IARS1: variants seen among roughly 807,000 people sequenced by gnomAD.
IARS1 encodes the protein isoleucyl-tRNA synthetase 1.
A neutral mutation model predicts 168.2 loss-of-function variants in IARS1; 124 were observed. That is an observed-to-expected ratio of 0.74 (90% CI 0.64 to 0.86). The LOEUF (loss-of-function observed/expected upper bound fraction) is 0.86, where lower values mean the gene tolerates loss of function less well. IARS1 is among the 40% of genes least tolerant of loss of function. The probability of loss-of-function intolerance (pLI) is 0.00; values close to 1 mark genes in which losing one functional copy is unlikely to be tolerated. For synonymous variants in IARS1, 532 were observed against 529.4 expected (o/e 1.00, Z -0.07); for missense variants, 1,452 against 1,515.8 (o/e 0.96, Z 0.70).
chr9:92,290,304 T>C (rs1253468306), intron 1 of IARS1, among the ~76,000 whole-genome samples: 1 of 152,228 alleles, frequency 6.6e-6, no homozygotes, highest in Non-Finnish European at 1.5e-5. Context: ...TAAGGACTAA[T>C]GATGCTGAGC....
rs371207054 is a variant in IARS1, at chr9:92,258,934, G to A, written c.1936C>T (p.Arg646Trp). 61 of 1,613,722 alleles carry A rather than the reference G, an allele frequency of 3.8e-5. No individual in the cohort carries two copies. Among genetic ancestry groups the A allele is most frequent in the Non-Finnish European group, 4.8e-5 (57 of 1,179,844 alleles). ...ENLRFKEEGV[R>W]DVLKDVLLPW... is the part of the protein sequence containing the mutation. The stretch of plus-strand genomic sequence containing the variant: ...AGCAGTACATCCTTAAGGACGTCCC[G>A]CACACCCTCTTCTTTAAAGCGGAGG... Residue 646 changes from arginine (R) to tryptophan (W), a missense_variant, in exon 19 of 34, where the codon CGG (arginine) becomes TGG (tryptophan). Arg to Trp is a moderately radical substitution (Grantham distance 101, BLOSUM62 -3). Transcript: ENST00000443024.
chr9:92,291,426 AAGT>A (rs953523023), intron 1 of IARS1, among the ~76,000 whole-genome samples: 12 of 152,318 alleles, frequency 7.9e-5, no homozygotes, highest in African/African-American at 2.9e-4. Context: ...AGTCTGTGAC[AAGT>A]AGTATCTTTC....
rs1213035897 is a variant in IARS1 at position 92,223,579 on chromosome 9, T to A, written c.3410-90A>T. The A allele has an allele frequency of 2.9e-6, 3 of 1,041,570 alleles. No individual in the cohort carries two copies. In the East Asian group the frequency reaches 7.3e-5, roughly 25 times the overall value. The allele number at this position is 1,041,570 out of a possible 1,614,324, so 64.5% of individuals were successfully genotyped here. On this transcript the variant is annotated intron_variant, in intron 31 of 33. Coordinates refer to ENST00000443024, the MANE Select transcript of IARS1 (RefSeq NM_002161.6). ...TTTTCCTATTTAACTATCATGTATC[T>A]TTTTACGATAATGCTTTCCACTTAA...
intron 33 of IARS1, 61 bp from the exon 34 acceptor site, chr9:92,210,950 T>TA (rs1460959961): frequency 1.6e-5 from 17 of 1,065,450 alleles, no homozygotes; most frequent in Non-Finnish European, 2.3e-5. Flanking sequence ...GGTGAATATT[T>TA]AAAAAAATGT....
chr9:92,246,502 C>T (rs1829222494), intron 26 of IARS1, among the ~76,000 whole-genome samples: 1 of 152,202 alleles, frequency 6.6e-6, no homozygotes, highest in Non-Finnish European at 1.5e-5. Context: ...CTTTCCTAAT[C>T]CCATCATTTG....
chr9:92,245,250 T>C, intron 26 of IARS1, 179 bp from the exon 27 acceptor site: 1 of 596,380 alleles, frequency 1.7e-6, no homozygotes, highest in Non-Finnish European at 3.0e-6. Flanking sequence ...AAACTTTCTT[T>C]AGATTACACT....
At chr9:92,242,109 A>G (rs1828506432) in intron 29 of IARS1, 45 bp downstream of exon 29, 1 of 1,485,350 alleles carries the variant, frequency 6.7e-7, no homozygotes. Context: ...AGTCAAACCT[A>G]ATCTGAAACC....
At chr9:92,264,576 C>G (rs1487380162) in intron 16 of IARS1, among the ~76,000 whole-genome samples, 2 of 152,114 alleles carry the variant, frequency 1.3e-5, no homozygotes, top group Admixed American at 6.5e-5. Context: ...TTCTAGCACC[C>G]AAACTACTGT....
chr9:92,250,058 A>C, intron 24 of IARS1, 117 bp from the exon 25 acceptor site: 1 of 846,184 alleles, frequency 1.2e-6, no homozygotes, highest in Non-Finnish European at 2.0e-6. Flanking sequence ...GACTAGTACT[A>C]AGTCATTCAC....
At chr9:92,262,497 T>C (rs1258680040) in intron 17 of IARS1, among the ~76,000 whole-genome samples, 1 of 152,080 alleles carries the variant, frequency 6.6e-6, no homozygotes, top group Non-Finnish European at 1.5e-5. Context: ...TGGGAAATAA[T>C]GCCCATTGGG....
chr9:92,222,084 G>A (rs1042289535), intron 33 of IARS1, among the ~76,000 whole-genome samples: 13 of 152,078 alleles, frequency 8.5e-5, no homozygotes, highest in African/African-American at 3.1e-4. Flanking sequence ...TTGGGAGGCC[G>A]AGGTGGGCGG....
intron 30 of IARS1, among the ~76,000 whole-genome samples, chr9:92,234,689 T>A (rs1413514777): frequency 1.3e-5 from 2 of 152,210 alleles, no homozygotes; most frequent in Non-Finnish European, 2.9e-5. Context: ...CTCAATGCCA[T>A]ACAACATCAC....
chr9:92,234,351 C>T (rs972980277), intron 30 of IARS1, among the ~76,000 whole-genome samples: 2 of 152,166 alleles, frequency 1.3e-5, no homozygotes. Flanking sequence ...AATATGAATG[C>T]TTTCAGCAGG....
intron 10 of IARS1, among the ~76,000 whole-genome samples, chr9:92,272,299 T>C (rs544079807): frequency 6.6e-6 from 1 of 152,366 alleles, no homozygotes; most frequent in South Asian, 2.1e-4. Context: ...CCTGGATCTG[T>C]GTTCACCTCT....
At chr9:92,221,436 T>C (rs994655024) in intron 33 of IARS1, among the ~76,000 whole-genome samples, 3 of 152,158 alleles carry the variant, frequency 2.0e-5, no homozygotes, top group Non-Finnish European at 4.4e-5. Flanking sequence ...TGAATTGAGA[T>C]GTCAAGAATG....
rs754983943 is a variant in IARS1, at chr9:92,245,031, G to A, written c.2832C>T (p.Asp944=). ...VVEGHELHDE[D]IRLMYTFDQA... ...GATCAAAGGTGTACATGAGGCGGAT[G>A]TCTTCATCGTGCAATTCATGGCCTT... The change falls in exon 27 of 34, where the codon GAC becomes GAT. Residue 944 remains aspartate, a synonymous_variant. Transcript: ENST00000443024. 4.3e-6 allele frequency: 7 copies of A among 1,614,204 alleles called. No homozygotes were observed. The highest frequency in any genetic ancestry group is 1.3e-5 in the African/African-American group (1 of 75,054).
chr9:92,254,348 A>C (rs1830430078), intron 20 of IARS1, among the ~76,000 whole-genome samples: 1 of 152,230 alleles, frequency 6.6e-6, no homozygotes, highest in Admixed American at 6.5e-5. Flanking sequence ...GTTACATAAA[A>C]ACAAACACAA....
intron 15 of IARS1, 123 bp downstream of exon 15, chr9:92,265,357 G>A (rs991766774): frequency 2.1e-6 from 2 of 932,190 alleles, no homozygotes; most frequent in Non-Finnish European, 1.7e-6. Context: ...AATATGACAT[G>A]AGTCATCAGC....
At chr9:92,290,932 T>C (rs1248320535) in intron 1 of IARS1, among the ~76,000 whole-genome samples, 1 of 152,210 alleles carries the variant, frequency 6.6e-6, no homozygotes, top group African/African-American at 2.4e-5. Flanking sequence ...GCTAAAAAGA[T>C]GAGAATCTCA....
Sources: allele counts gnomAD v4.1 joint callset (sites outside exome capture counted in the v4.1 genomes callset), GRCh38; gene constraint gnomAD v4.1.1; transcripts MANE v1.5; gene names NCBI Gene and HGNC (gene_info 2026-07-23, HGNC 2026-07-21).